The following ERC2 variants were observed in gnomAD, a reference collection of about 807,000 sequenced individuals.
The protein encoded by ERC2 is ELKS/RAB6-interacting/CAST family member 2.
Under a neutral mutation model 114.8 loss-of-function variants are expected in ERC2, and 42 were observed. The observed-to-expected ratio is 0.37, with a 90% confidence interval of 0.29 to 0.47. The LOEUF (loss-of-function observed/expected upper bound fraction) is 0.47. Among genes scored for constraint, ERC2 ranks in the 20% least tolerant of loss-of-function variants. ERC2 has a pLI of 0.99. For synonymous variants in ERC2, 454 were observed against 425.5 expected, an observed-to-expected ratio of 1.07 and a Z score of -0.82; for missense variants, 939 against 1,150.7, an observed-to-expected ratio of 0.82 and a Z score of 2.66.
intron 6 of ERC2, among the ~76,000 whole-genome samples, chr3:56,096,920 A>G (rs2078096175): frequency 6.6e-6 from 1 of 152,220 alleles, no homozygotes; most frequent in Non-Finnish European, 1.5e-5. Flanking sequence ...CATGTATCCT[A>G]TCCTCAGACA....
At chr3:56,250,573 G>A (rs189728199) in intron 3 of ERC2, among the ~76,000 whole-genome samples, 2 of 152,254 alleles carry the variant, frequency 1.3e-5, no homozygotes, top group East Asian at 1.9e-4. Context: ...AAGCTGAGGC[G>A]CTTGTTCCAG....
chr3:56,210,225 G>A (rs2048977050), intron 3 of ERC2, among the ~76,000 whole-genome samples: 1 of 152,092 alleles, frequency 6.6e-6, no homozygotes, highest in African/African-American at 2.4e-5. Flanking sequence ...ATGGAGATGT[G>A]CATTTGTGTT....
At chr3:56,184,466 A>T (rs2083469006) in intron 3 of ERC2, among the ~76,000 whole-genome samples, 1 of 152,276 alleles carries the variant, frequency 6.6e-6, no homozygotes, top group Non-Finnish European at 1.5e-5. Context: ...AACTTACACA[A>T]TGATTATCAT....
intron 12 of ERC2, among the ~76,000 whole-genome samples, chr3:55,966,843 G>A (rs1387665141): frequency 1.3e-5 from 2 of 152,146 alleles, no homozygotes; most frequent in African/African-American, 2.4e-5. Flanking sequence ...GCTGTTCCAA[G>A]TGCTTTCTCT....
At chr3:55,952,319 A>G (rs570995025) in intron 12 of ERC2, among the ~76,000 whole-genome samples, 1 of 151,614 alleles carries the variant, frequency 6.6e-6, no homozygotes, top group Admixed American at 6.6e-5. Context: ...TGATATAATA[A>G]CCATCTCCTT....
At chr3:55,604,823 C>A (rs1251823034) in intron 17 of ERC2, among the ~76,000 whole-genome samples, 1 of 152,180 alleles carries the variant, frequency 6.6e-6, no homozygotes, top group Non-Finnish European at 1.5e-5. Flanking sequence ...TAGTTACTCT[C>A]CCTTTAATAC....
intron 17 of ERC2, among the ~76,000 whole-genome samples, chr3:55,646,864 C>T (rs1291681042): frequency 3.9e-5 from 6 of 152,212 alleles, no homozygotes; most frequent in Non-Finnish European, 7.3e-5. Context: ...ATACAATTTA[C>T]ATAAGGTCAC....
chr3:55,550,331 G>A (rs943650057), intron 17 of ERC2, among the ~76,000 whole-genome samples: 1 of 152,142 alleles, frequency 6.6e-6, no homozygotes, highest in Non-Finnish European at 1.5e-5. Context: ...ATGTTTGGGT[G>A]TGTGATTATC....
At chr3:56,108,259 C>A (rs2078775061) in intron 6 of ERC2, among the ~76,000 whole-genome samples, 1 of 152,030 alleles carries the variant, frequency 6.6e-6, no homozygotes, top group African/African-American at 2.4e-5. Context: ...ATTTCCACAG[C>A]AAAGAACCAA....
intron 3 of ERC2, among the ~76,000 whole-genome samples, chr3:56,274,695 G>T (rs1188302431): frequency 6.6e-6 from 1 of 152,084 alleles, no homozygotes; most frequent in Admixed American, 6.6e-5. Flanking sequence ...AATAAATGTT[G>T]CCAAAAAGGA....
chr3:56,399,804 T>C (rs1418891235), intron 2 of ERC2, among the ~76,000 whole-genome samples: 1 of 152,032 alleles, frequency 6.6e-6, no homozygotes, highest in African/African-American at 2.4e-5. Context: ...AGCCTCTAGA[T>C]TCAACCAGAA....
chr3:56,292,313 G>A (rs2055139331), intron 3 of ERC2, among the ~76,000 whole-genome samples: 4 of 151,830 alleles, frequency 2.6e-5, no homozygotes. Context: ...GCCAGGCACG[G>A]TGGCTCACAC....
intron 15 of ERC2, among the ~76,000 whole-genome samples, chr3:55,712,807 C>G (rs2063840177): frequency 6.6e-6 from 1 of 152,050 alleles, no homozygotes; most frequent in African/African-American, 2.4e-5. Flanking sequence ...ACAGTTATGC[C>G]CATTATCTAT....
chr3:56,468,311 C>G lies in ERC2; in HGVS notation c.-204G>C, dbSNP rs1206290245. 6.6e-6 allele frequency: 1 copy of G among 152,412 alleles called. No homozygotes were observed. Among genetic ancestry groups the G allele is most frequent in the African/African-American group, 2.4e-5 (1 of 41,444 alleles). 9.4% of individuals were successfully genotyped at this position (152,412 alleles called of 1,614,324 possible). On this transcript the variant is annotated 5_prime_UTR_variant, in exon 1 of 18. Coordinates refer to ENST00000288221, the MANE Select transcript of ERC2 (RefSeq NM_015576.3). Reference sequence around the variant, plus strand: ...TTTACAACCTCTCGTCGCCTTGGCCCCGGGCGGCCAGGAGGAGCAGGAGCC... The same window carrying G: ...TTTACAACCTCTCGTCGCCTTGGCCGCGGGCGGCCAGGAGGAGCAGGAGCC...
At chr3:56,065,523 T>TA (rs2076432154) in intron 7 of ERC2, among the ~76,000 whole-genome samples, 1 of 150,958 alleles carries the variant, frequency 6.6e-6, no homozygotes, top group African/African-American at 2.4e-5. Flanking sequence ...ACTTTCTTTT[T>TA]TAAAAAAAAA....
chr3:56,426,378 A>G (rs1191207586), intron 2 of ERC2, among the ~76,000 whole-genome samples: 1 of 152,260 alleles, frequency 6.6e-6, no homozygotes, highest in African/African-American at 2.4e-5. Flanking sequence ...ATGCTCCTGA[A>G]GCAGAGCAGC....
At chr3:55,648,913 A>C (rs1411545839) in intron 17 of ERC2, among the ~76,000 whole-genome samples, 3 of 152,070 alleles carry the variant, frequency 2.0e-5, no homozygotes, top group Admixed American at 6.5e-5. Flanking sequence ...TACAAGTGGG[A>C]CCAGGGAGGG....
chr3:55,858,500 C>T lies in ERC2; in HGVS notation c.2564+29889G>A, dbSNP rs562286940. Among the ~76,000 whole-genome samples, 8 of 152,278 alleles carry T rather than the reference C, an allele frequency of 5.3e-5. 1 individual carries two copies. In the South Asian group the frequency reaches 1.0e-3, roughly 20 times the overall value. On this transcript the variant is annotated intron_variant, in intron 14 of 17. Coordinates refer to ENST00000288221, the MANE Select transcript of ERC2 (RefSeq NM_015576.3). ...AAAATATTTAAAGGAGGCTCTGATG[C>T]CTATCACAAAAGCACACTGCTGCTC...
intron 17 of ERC2, among the ~76,000 whole-genome samples, chr3:55,517,310 G>A (rs1345249119): frequency 6.6e-6 from 1 of 151,578 alleles, no homozygotes; most frequent in African/African-American, 2.4e-5. Flanking sequence ...GCGTAATGGC[G>A]GGCACCTGTA....
Sources: gnomAD v4.1 joint callset for allele counts (sites outside exome capture counted in the v4.1 genomes callset) on GRCh38, gnomAD v4.1.1 for gene constraint, MANE v1.5 for transcripts, NCBI Gene and HGNC (gene_info 2026-07-23, HGNC 2026-07-21) for gene names.